Variants in SHMT1 observed in about 807,000 individuals in gnomAD.
The protein encoded by SHMT1 is serine hydroxymethyltransferase, cytosolic.
SHMT1 carries 45 observed loss-of-function variants against 49.0 expected under a neutral mutation model. That is an observed-to-expected ratio of 0.92 (90% CI 0.72 to 1.18). SHMT1 has a LOEUF of 1.18. SHMT1 is among the 50% of genes most tolerant of loss of function. The pLI, the probability that SHMT1 is intolerant of heterozygous loss-of-function variation, is 0.00. For missense variants in SHMT1, 541 were observed against 612.4 expected (o/e 0.88, Z 1.23); for synonymous variants, 232 against 246.6 (o/e 0.94, Z 0.55).
At position 18,354,727 on chromosome 17, in the gene SHMT1, GTTC is replaced by G. The variant is rs1486662693; in HGVS notation, c.97-913_97-911del. On this transcript the variant is annotated intron_variant, in intron 2 of 11. Coordinates refer to ENST00000316694, the MANE Select transcript of SHMT1 (RefSeq NM_004169.5). Reference sequence around the variant, plus strand: ...TCTCCCTCCCTGAACCTTATTCCTTGTTCTTCTTCCTTAAAAGAAAAGATGCTT... The same window carrying G: ...TCTCCCTCCCTGAACCTTATTCCTTGTTCTTCCTTAAAAGAAAAGATGCTT... Among the ~76,000 whole-genome samples the G allele has an allele frequency of 3.3e-5, 5 of 151,794 alleles. No homozygotes were observed. In the East Asian group the frequency reaches 5.8e-4, roughly 18 times the overall value.
intron 10 of SHMT1, 121 bp downstream of exon 10, chr17:18,330,434 C>A: frequency 1.2e-6 from 1 of 823,186 alleles, no homozygotes; most frequent in Non-Finnish European, 2.1e-6. Flanking sequence ...CCGTGCCCAG[C>A]CCCCACTACA....
intron 8 of SHMT1, among the ~76,000 whole-genome samples, chr17:18,333,667 A>G (rs1019905543): frequency 6.6e-6 from 1 of 152,040 alleles, no homozygotes; most frequent in Non-Finnish European, 1.5e-5. Context: ...ACAGGGTTTC[A>G]CTATATTGGC....
intron 5 of SHMT1, among the ~76,000 whole-genome samples, chr17:18,347,037 T>C (rs1218941122): frequency 6.6e-6 from 1 of 152,230 alleles, no homozygotes; most frequent in Non-Finnish European, 1.5e-5. Context: ...GCCGGGCTGC[T>C]GGTTTTGGTG....
chr17:18,352,041 T>TA (rs773366838), intron 3 of SHMT1, among the ~76,000 whole-genome samples: 1 of 151,976 alleles, frequency 6.6e-6, no homozygotes, highest in Non-Finnish European at 1.5e-5. Flanking sequence ...AGACAGCGTC[T>TA]CACTATATTG....
rs528309651 is a variant in SHMT1, at chr17:18,354,208, G to A, written c.97-391C>T. On this transcript the variant is annotated intron_variant, in intron 2 of 11. Coordinates refer to ENST00000316694, the MANE Select transcript of SHMT1 (RefSeq NM_004169.5). ...CGAGATGGGCAGATCACCTGAGGTC[G>A]GGGGTTCGAGACCAGCCTGACTAAC... 3.3e-5 allele frequency among the ~76,000 whole-genome samples: 5 copies of A among 152,208 alleles called. No homozygotes were observed. In the South Asian group the frequency reaches 6.2e-4, roughly 19 times the overall value.
intron 5 of SHMT1, among the ~76,000 whole-genome samples, chr17:18,342,879 T>C (rs1428808805): frequency 6.6e-6 from 1 of 151,048 alleles, no homozygotes; most frequent in African/African-American, 2.4e-5. Flanking sequence ...GAGGTTGCAG[T>C]GAGTCAAGAT....
At chr17:18,352,847 C>A (rs1420447342) in intron 3 of SHMT1, among the ~76,000 whole-genome samples, 2 of 151,230 alleles carry the variant, frequency 1.3e-5, no homozygotes, top group African/African-American at 2.4e-5. Flanking sequence ...AAGAAAACAC[C>A]TGGTGTTAAC....
chr17:18,335,574 T>G lies in SHMT1; in HGVS notation c.916A>C (p.Asn306His), dbSNP rs1983693904. The change falls in exon 8 of 12, where the codon AAC (asparagine) becomes CAC (histidine). Residue 306 changes from asparagine (N) to histidine (H), a missense_variant. Transcript: ENST00000316694. ...VFPGLQGGPHNHAIAGVAVAL... is the reference protein window; with the variant it reads ...VFPGLQGGPHHHAIAGVAVAL... ...GATGTTTTACCAGCAATGGCGTGGTTGTGGGGACCTCCCTGCAGGCCAGGG... is the reference window on the plus strand; with the variant it reads ...GATGTTTTACCAGCAATGGCGTGGTGGTGGGGACCTCCCTGCAGGCCAGGG... The G allele has an allele frequency of 4.3e-6, 7 of 1,612,164 alleles. No homozygotes were observed. Among genetic ancestry groups the G allele is most frequent in the Non-Finnish European group, 4.2e-6 (5 of 1,178,660 alleles).
At position 18,343,608 on chromosome 17, in the gene SHMT1, C is replaced by CAA. The variant is rs761435848; in HGVS notation, c.520-2797_520-2796dup. On this transcript the variant is annotated intron_variant, in intron 5 of 11. Transcript: ENST00000316694. Reference sequence around the variant, plus strand: ...GGGCGACAAGAGGGAAACTTTGTCTCAAAAAAAAAAAAAAAAAAAAAAAGG... The same window carrying CAA: ...GGGCGACAAGAGGGAAACTTTGTCTCAAAAAAAAAAAAAAAAAAAAAAAAAGG... Among the ~76,000 whole-genome samples, 358 of 45,456 alleles carry CAA rather than the reference C, an allele frequency of 7.9e-3. 1 individual carries two copies. Among genetic ancestry groups the CAA allele is most frequent in the Middle Eastern group, 0.043 (2 of 46 alleles). The allele number at this position is 45,456 out of a possible 152,430, so 29.8% of individuals were successfully genotyped here.
intron 1 of SHMT1, among the ~76,000 whole-genome samples, chr17:18,360,861 C>T (rs1986691592): frequency 6.6e-6 from 1 of 151,996 alleles, no homozygotes; most frequent in Non-Finnish European, 1.5e-5. Flanking sequence ...AGGGAGACCC[C>T]GTCTCTCTAA....
rs1051610731 is a variant in SHMT1, at chr17:18,337,262, G to A, written c.815-1587C>T. Among the ~76,000 whole-genome samples the A allele has an allele frequency of 2.6e-5, 4 of 152,204 alleles. No individual in the cohort carries two copies. In the East Asian group the frequency reaches 5.8e-4, roughly 22 times the overall value. ...CCTAAAGTCATACAGCGGGTGTGCG[G>A]CAGAGCTAGTACTTGCTCTGATAGG... On this transcript the variant is annotated intron_variant, in intron 7 of 11. Transcript: ENST00000316694.
chr17:18,352,441 C>A (rs1200370631), intron 3 of SHMT1, among the ~76,000 whole-genome samples: 2 of 152,092 alleles, frequency 1.3e-5, no homozygotes, highest in African/African-American at 4.8e-5. Flanking sequence ...CCACCGCGCC[C>A]GGTCCCCCTT....
intron 9 of SHMT1, 47 bp from the exon 10 acceptor site, chr17:18,330,718 G>A (rs373836244): frequency 5.0e-5 from 68 of 1,357,340 alleles, no homozygotes; most frequent in Middle Eastern, 1.8e-4. Flanking sequence ...ATTCTATGCC[G>A]TGAAGGAATC....
chr17:18,361,309 A>AC (rs1182750692), intron 1 of SHMT1, among the ~76,000 whole-genome samples: 3 of 149,694 alleles, frequency 2.0e-5, no homozygotes, highest in Non-Finnish European at 4.5e-5. Flanking sequence ...AAAAAAAAAA[A>AC]AAAAAACAAA....
In SHMT1 at chr17:18,328,526, C is replaced by A; in HGVS notation, c.*224G>T. The A allele has an allele frequency of 1.7e-6, 1 of 575,682 alleles. No homozygotes were observed. 35.7% of individuals were successfully genotyped at this position (575,682 alleles called of 1,614,324 possible). A position where few individuals can be genotyped will look rare whatever the true frequency, so the allele number is the denominator to read the frequency against. On this transcript the variant is annotated 3_prime_UTR_variant, in exon 12 of 12. Transcript: ENST00000316694. ...TGTCCAGCTGTGAGAAAGCCAGGTT[C>A]AAATTTAAATCCTTTAATAACCTGT...
chr17:18,340,089 G>C lies in SHMT1; in HGVS notation c.768C>G (p.His256Gln), dbSNP rs148377107. 5 of 1,614,002 alleles carry C rather than the reference G, an allele frequency of 3.1e-6. No homozygotes were observed. Among genetic ancestry groups the C allele is most frequent in the Middle Eastern group, 1.6e-4 (1 of 6,084 alleles). ...CAGCTCGGCAGCCTCGCAGGGTCTT[G>C]TGAGTGGTGGTGGTCACCACATGGC... ...EHCHVVTTTT[H>Q]KTLRGCRAGM... The change falls in exon 7 of 12, where the codon CAC (histidine) becomes CAG (glutamine). Residue 256 changes from histidine (H) to glutamine (Q), a missense_variant. Coordinates refer to ENST00000316694, the MANE Select transcript of SHMT1 (RefSeq NM_004169.5). This position sits in a 1 kb window ranked among gnomAD's most constrained non-coding sequence, Gnocchi z 4.5.
At chr17:18,357,601 A>G (rs556512114) in intron 1 of SHMT1, among the ~76,000 whole-genome samples, 1 of 152,246 alleles carries the variant, frequency 6.6e-6, no homozygotes, top group East Asian at 1.9e-4. Flanking sequence ...GAGTTTTGCT[A>G]TAAGAAGGGC....
chr17:18,341,647 G>GAAAAAAAA (rs34396945), intron 5 of SHMT1: 2 of 41,854 alleles, frequency 4.8e-5, no homozygotes, highest in Non-Finnish European at 8.7e-5. Context: ...GACTCCATCT[G>GAAAAAAAA]AAAAAAAAAA....
At position 18,340,411 on chromosome 17, in the gene SHMT1, C is replaced by G; in HGVS notation, c.602-156G>C. 3.6e-6 allele frequency: 3 copies of G among 836,108 alleles called. No homozygotes were observed. Among genetic ancestry groups the G allele is most frequent in the Non-Finnish European group, 5.9e-6 (3 of 511,596 alleles). The allele number at this position is 836,108 out of a possible 1,614,324, so 51.8% of individuals were successfully genotyped here. A position where few individuals can be genotyped will look rare whatever the true frequency, so the allele number is the denominator to read the frequency against. On this transcript the variant is annotated intron_variant, in intron 6 of 11. Transcript: ENST00000316694. The surrounding 1 kb of genome is among the most constrained non-coding windows in gnomAD (Gnocchi z 4.5). ...TGGAGAATGCCCTCAAAAAGCACCT[C>G]TGTGCTAAAGGCAACCACTCTAACT...
Sources: allele counts gnomAD v4.1 joint callset (sites outside exome capture counted in the v4.1 genomes callset), GRCh38; gene constraint gnomAD v4.1.1; non-coding constraint Gnocchi (gnomAD v3.1); transcripts MANE v1.5; gene names NCBI Gene and HGNC (gene_info 2026-07-23, HGNC 2026-07-21).